The following ABCB1 variants were observed in gnomAD, a reference collection of about 807,000 sequenced individuals.
The protein encoded by ABCB1 is ATP-dependent translocase ABCB1.
A neutral mutation model predicts 142.0 loss-of-function variants in ABCB1; 69 were observed. The ratio of observed to expected loss-of-function variants is 0.49; its 90% CI spans 0.40 to 0.59. The LOEUF is 0.59. ABCB1 is among the 20% of genes least tolerant of loss of function. The pLI, the probability that ABCB1 is intolerant of heterozygous loss-of-function variation, is 0.00. For synonymous variants in ABCB1, 532 were observed against 539.2 expected (o/e 0.99, Z 0.18); for missense variants, 1,326 against 1,554.7 (o/e 0.85, Z 2.47).
chr7:87,547,197 ATAGGATAAG>A (rs1816820069), intron 14 of ABCB1, among the ~76,000 whole-genome samples: 1 of 152,196 alleles, frequency 6.6e-6, no homozygotes, highest in African/African-American at 2.4e-5. Flanking sequence ...TTCAGGATCC[ATAGGATAAG>A]TAGAAGTGGA....
intron 4 of ABCB1, among the ~76,000 whole-genome samples, chr7:87,580,052 C>A (rs946225300): frequency 3.3e-5 from 5 of 152,048 alleles, no homozygotes; most frequent in Admixed American, 2.6e-4. Context: ...CATTTTTTAG[C>A]CTTTCTACTC....
chr7:87,550,355 C>T (rs1291636831), intron 11 of ABCB1, 59 bp from the exon 12 acceptor site: 5 of 1,612,532 alleles, frequency 3.1e-6, no homozygotes, highest in Non-Finnish European at 4.2e-6. Flanking sequence ...GATATAGGAA[C>T]TGACTGTTCA....
chr7:87,669,222 A>G (rs1825587818), intron 1 of ABCB1, among the ~76,000 whole-genome samples: 1 of 152,150 alleles, frequency 6.6e-6, no homozygotes, highest in Non-Finnish European at 1.5e-5. Context: ...ATCCTTTACC[A>G]TTAAGTAATG....
In ABCB1 at chr7:87,516,521, T is replaced by G; in HGVS notation, c.3072A>C (p.Glu1024Asp). 1.2e-6 allele frequency: 2 copies of G among 1,614,210 alleles called. No homozygotes were observed. Among genetic ancestry groups the G allele is most frequent in the Non-Finnish European group, 1.7e-6 (2 of 1,180,034 alleles). ...ACATCAAACTCACCGGCATTAGGCC[T>G]TCCGTGCTGTAGCTGTCAATCAAAG... ...KTPLIDSYST[E>D]GLMPNTLEGN... Residue 1024 changes from glutamate to aspartate, a missense_variant, in exon 24 of 28, where the codon GAA (glutamate) becomes GAC (aspartate). Physicochemically the swap from Glu to Asp is conservative, Grantham distance 45. Transcript: ENST00000622132.
chr7:87,636,016 C>T (rs1821728847), intron 1 of ABCB1, among the ~76,000 whole-genome samples: 1 of 152,104 alleles, frequency 6.6e-6, no homozygotes, highest in South Asian at 2.1e-4. Flanking sequence ...TGAGTTGTTT[C>T]TACTTTTTGA....
intron 16 of ABCB1, among the ~76,000 whole-genome samples, 190 bp downstream of exon 16, chr7:87,544,632 TC>T (rs1816691924): frequency 6.6e-6 from 1 of 152,182 alleles, no homozygotes; most frequent in South Asian, 2.1e-4. Flanking sequence ...AAATTTTAAT[TC>T]TAAAAATTCT....
At chr7:87,708,960 C>T (rs1022761282) in intron 1 of ABCB1, among the ~76,000 whole-genome samples, 1 of 152,100 alleles carries the variant, frequency 6.6e-6, no homozygotes, top group Non-Finnish European at 1.5e-5. Flanking sequence ...TTATGGATCA[C>T]CCTTATCAAC....
At chr7:87,505,728 G>T (rs543858907) in intron 27 of ABCB1, among the ~76,000 whole-genome samples, 169 bp downstream of exon 27, 6 of 152,168 alleles carry the variant, frequency 3.9e-5, no homozygotes, top group Non-Finnish European at 7.3e-5. Flanking sequence ...TCTGCCTTGT[G>T]TCATCTTTAC....
At chr7:87,700,089 C>G (rs570967318) in intron 1 of ABCB1, among the ~76,000 whole-genome samples, 2 of 151,900 alleles carry the variant, frequency 1.3e-5, no homozygotes, top group East Asian at 3.9e-4. Flanking sequence ...CAGGAAGGTT[C>G]CCGTGTGCTA....
intron 27 of ABCB1, 131 bp from the exon 28 acceptor site, chr7:87,504,580 G>T: frequency 1.7e-6 from 2 of 1,208,184 alleles, no homozygotes; most frequent in Non-Finnish European, 2.4e-6. Flanking sequence ...AGGCCAAGGC[G>T]GGCAGATCAC....
rs1431406161 is a variant in ABCB1 at position 87,503,031 on chromosome 7, A to AT, written c.*1211dup. ...CAACTAATAAGGAATGTCACATTAG[A>AT]TTTTTTTATTCATCATTAAATTACA... On this transcript the variant is annotated 3_prime_UTR_variant, in exon 28 of 28. Transcript: ENST00000622132. 6.6e-6 allele frequency among the ~76,000 whole-genome samples: 1 copy of AT among 152,066 alleles called. No individual in the cohort carries two copies. Among genetic ancestry groups the AT allele is most frequent in the Admixed American group, 6.5e-5 (1 of 15,282 alleles).
chr7:87,659,807 A>C (rs1437492179), intron 1 of ABCB1, among the ~76,000 whole-genome samples: 1 of 152,134 alleles, frequency 6.6e-6, no homozygotes, highest in Non-Finnish European at 1.5e-5. Flanking sequence ...GTTTTCATAA[A>C]ATAGCCAGAG....
intron 22 of ABCB1, among the ~76,000 whole-genome samples, chr7:87,520,225 T>A (rs1375287188): frequency 4.6e-5 from 7 of 152,140 alleles, no homozygotes; most frequent in East Asian, 3.8e-4. Context: ...TCATTTTTTT[T>A]AAATAAAAGC....
chr7:87,599,711 G>T (rs1005044879), intron 2 of ABCB1, among the ~76,000 whole-genome samples: 2 of 152,194 alleles, frequency 1.3e-5, no homozygotes, highest in Non-Finnish European at 2.9e-5. Flanking sequence ...GGTGACTACA[G>T]TTAGCAATAT....
chr7:87,567,921 T>C (rs34127828), intron 5 of ABCB1, among the ~76,000 whole-genome samples: 2 of 151,396 alleles, frequency 1.3e-5, no homozygotes, highest in East Asian at 3.9e-4. Flanking sequence ...GATGAAACCC[T>C]GTCTCTACAA....
chr7:87,662,678 AGGGAAT>A (rs1824837228), intron 1 of ABCB1, among the ~76,000 whole-genome samples: 1 of 152,160 alleles, frequency 6.6e-6, no homozygotes, highest in Non-Finnish European at 1.5e-5. Context: ...CTTTGAAGTC[AGGGAAT>A]GTGATTCCTC....
chr7:87,668,486 A>G (rs1398789494), intron 1 of ABCB1, among the ~76,000 whole-genome samples: 2 of 151,586 alleles, frequency 1.3e-5, no homozygotes, highest in African/African-American at 2.4e-5. Context: ...AGTTTCCTTC[A>G]GTTCAGCTCT....
intron 1 of ABCB1, among the ~76,000 whole-genome samples, chr7:87,616,208 T>A (rs1820027334): frequency 1.3e-5 from 2 of 152,200 alleles, no homozygotes; most frequent in African/African-American, 4.8e-5. Flanking sequence ...TAAATATCAG[T>A]ATTCTGGGCT....
chr7:87,556,853 C>T (rs965739285), intron 8 of ABCB1, among the ~76,000 whole-genome samples: 4 of 152,178 alleles, frequency 2.6e-5, no homozygotes, highest in Admixed American at 2.6e-4. Flanking sequence ...CACATTCTGG[C>T]CCCTGCCCAC....
Sources: allele counts gnomAD v4.1 joint callset (sites outside exome capture counted in the v4.1 genomes callset), GRCh38; gene constraint gnomAD v4.1.1; transcripts MANE v1.5; gene names NCBI Gene and HGNC (gene_info 2026-07-23, HGNC 2026-07-21).